Variants in YPEL1 observed in about 807,000 individuals in gnomAD.
YPEL1 encodes the protein protein yippee-like 1.
A neutral mutation model predicts 17.3 loss-of-function variants in YPEL1; 7 were observed. That is an observed-to-expected ratio of 0.40 (90% confidence interval 0.23 to 0.76). The LOEUF is 0.76. Ranked by LOEUF, YPEL1 falls within the 30% of genes least tolerant of loss-of-function variation. The pLI is 0.35. For missense variants in YPEL1, 91 were observed against 155.5 expected (o/e 0.59, Z 2.21); for synonymous variants, 59 against 59.6 (o/e 0.99, Z 0.05).
chr22:21,721,016 G>A (rs376942221), intron 1 of YPEL1, among the ~76,000 whole-genome samples: 68 of 151,694 alleles, frequency 4.5e-4, no homozygotes, highest in African/African-American at 1.6e-3. Context: ...TCACCATGTT[G>A]GCCAGGCTGG....
intron 1 of YPEL1, among the ~76,000 whole-genome samples, chr22:21,715,046 G>A (rs2068207430): frequency 6.6e-6 from 1 of 152,086 alleles, no homozygotes; most frequent in Admixed American, 6.6e-5. Context: ...TAAGCTTCAG[G>A]AAACTATAGT....
At chr22:21,724,102 C>A (rs530181709) in intron 1 of YPEL1, among the ~76,000 whole-genome samples, 21 of 152,336 alleles carry the variant, frequency 1.4e-4, no homozygotes, top group African/African-American at 5.1e-4. Flanking sequence ...AGTCTCCCAT[C>A]CCAGAGCCCC....
chr22:21,710,905 T>C lies in YPEL1; in HGVS notation c.-161A>G, dbSNP rs573854048. On this transcript the variant is annotated 5_prime_UTR_variant, in exon 2 of 5. Transcript: ENST00000339468. ...ACACAGCTGGGACGAGAGAAAAACG[T>C]AACCTGCCAACCAATCAGACAAAGT... 1.5e-6 allele frequency: 1 copy of C among 680,568 alleles called. No individual in the cohort carries two copies. Among genetic ancestry groups the C allele is most frequent in the South Asian group, 1.7e-5 (1 of 60,264 alleles). 42.2% of individuals were successfully genotyped at this position (680,568 alleles called of 1,614,324 possible).
At chr22:21,701,333 C>T in intron 4 of YPEL1, 115 bp from the exon 5 acceptor site, 1 of 728,524 alleles carries the variant, frequency 1.4e-6, no homozygotes, top group South Asian at 1.8e-5. Flanking sequence ...CCCAGATGTT[C>T]CCTGAGCGGT....
rs112731329 is a variant in YPEL1 at position 21,701,124 on chromosome 22, G to A, written c.*5C>T. On this transcript the variant is annotated 3_prime_UTR_variant, in exon 5 of 5. Transcript: ENST00000339468. ...GCATTCAAAGGAGAAGGGAAAGTTC[G>A]CACATTACTCCCAGCCATTGTCTTT... The A allele has an allele frequency of 2.7e-4, 429 of 1,611,822 alleles. 2 individuals are homozygous for A. In the African/African-American group the frequency reaches 4.4e-3, roughly 17 times the overall value.
rs185976908 is a variant in YPEL1 at position 21,698,229 on chromosome 22, A to G, written c.*2900T>C. 2.0e-5 allele frequency: 3 copies of G among 151,342 alleles called. No individual in the cohort carries two copies. The highest frequency in any genetic ancestry group is 7.3e-5 in the African/African-American group (3 of 41,122). 9.4% of individuals were successfully genotyped at this position (151,342 alleles called of 1,614,324 possible). A position where few individuals can be genotyped will look rare whatever the true frequency, so the allele number is the denominator to read the frequency against. On this transcript the variant is annotated 3_prime_UTR_variant, in exon 5 of 5. Transcript: ENST00000339468. ...GTATTTTGCAGAAGCCCAACAAAAA[A>G]AAAGTGATAAAAGTGTTGTTGGTAT...
chr22:21,710,241 C>G (rs1295032740), intron 2 of YPEL1, among the ~76,000 whole-genome samples: 1 of 152,200 alleles, frequency 6.6e-6, no homozygotes, highest in Non-Finnish European at 1.5e-5. Context: ...CCCTTTCCTT[C>G]TTAACCATGC....
At chr22:21,719,096 G>T (rs1269115586) in intron 1 of YPEL1, among the ~76,000 whole-genome samples, 2 of 152,006 alleles carry the variant, frequency 1.3e-5, no homozygotes, top group East Asian at 3.9e-4. Flanking sequence ...CTTCCATCTG[G>T]CATCTCTTCC....
intron 2 of YPEL1, among the ~76,000 whole-genome samples, chr22:21,705,586 G>A (rs1391771585): frequency 1.3e-5 from 2 of 152,066 alleles, no homozygotes; most frequent in Non-Finnish European, 2.9e-5. Flanking sequence ...TATCGAAGTG[G>A]AAAAAGCACA....
intron 1 of YPEL1, among the ~76,000 whole-genome samples, chr22:21,716,655 G>T (rs565572264): frequency 6.6e-6 from 1 of 152,290 alleles, no homozygotes; most frequent in Non-Finnish European, 1.5e-5. Context: ...CTGGCAGAAG[G>T]AAGCGTAAAC....
intron 1 of YPEL1, among the ~76,000 whole-genome samples, chr22:21,728,066 G>A (rs1601643129): frequency 6.6e-6 from 1 of 152,318 alleles, no homozygotes; most frequent in African/African-American, 2.4e-5. Flanking sequence ...GGAAGGAACA[G>A]TGCTCATGTG....
chr22:21,703,277 G>T lies in YPEL1; in HGVS notation c.270+93C>A. On this transcript the variant is annotated intron_variant, in intron 4 of 4. Coordinates refer to ENST00000339468, the MANE Select transcript of YPEL1 (RefSeq NM_013313.5). The surrounding 1 kb of genome is among the most constrained non-coding windows in gnomAD (Gnocchi z 6.1). The stretch of plus-strand genomic sequence containing the variant: ...GGGGTTTCTGAAAGTGCTGTGACTG[G>T]TACCATGGGCCACACTGCACGGGGA... 1.8e-6 allele frequency: 2 copies of T among 1,112,974 alleles called. No homozygotes were observed. Among genetic ancestry groups the T allele is most frequent in the Admixed American group, 1.8e-5 (1 of 57,022 alleles). The allele number at this position is 1,112,974 out of a possible 1,614,324, so 68.9% of individuals were successfully genotyped here.
intron 1 of YPEL1, among the ~76,000 whole-genome samples, chr22:21,725,900 G>A (rs2068331521): frequency 6.6e-6 from 1 of 151,988 alleles, no homozygotes; most frequent in East Asian, 1.9e-4. Flanking sequence ...TCCAGAGGCT[G>A]AAACTGGAGG....
chr22:21,714,561 T>C (rs1207745569), intron 1 of YPEL1, among the ~76,000 whole-genome samples: 1 of 152,142 alleles, frequency 6.6e-6, no homozygotes, highest in Admixed American at 6.5e-5. Context: ...GGGGTGTGGA[T>C]GTGTATCGGC....
chr22:21,715,551 A>G (rs1404868486), intron 1 of YPEL1, among the ~76,000 whole-genome samples: 1 of 151,584 alleles, frequency 6.6e-6, no homozygotes, highest in African/African-American at 2.4e-5. Flanking sequence ...CTTACTATGT[A>G]TAGTTCAAAT....
chr22:21,709,697 T>G (rs1315133207), intron 2 of YPEL1, among the ~76,000 whole-genome samples: 1 of 152,132 alleles, frequency 6.6e-6, no homozygotes, highest in Non-Finnish European at 1.5e-5. Flanking sequence ...CAAACTTTGT[T>G]CCCAAAGTGG....
chr22:21,710,594 T>C, intron 2 of YPEL1, 34 bp downstream of exon 2: 1 of 1,526,396 alleles, frequency 6.6e-7, no homozygotes, highest in Non-Finnish European at 9.1e-7. Context: ...CAGATAATCA[T>C]TGTGCCATCA....
chr22:21,709,160 T>C (rs972011277), intron 2 of YPEL1, among the ~76,000 whole-genome samples: 1 of 152,006 alleles, frequency 6.6e-6, no homozygotes, highest in Non-Finnish European at 1.5e-5. Flanking sequence ...AACACACAGG[T>C]GTCACGGGGC....
intron 1 of YPEL1, among the ~76,000 whole-genome samples, chr22:21,720,768 A>G (rs970637626): frequency 2.0e-5 from 3 of 149,246 alleles, no homozygotes; most frequent in African/African-American, 7.4e-5. Context: ...CGGCTTCCCA[A>G]AGTGCTGGGA....
Sources: gnomAD v4.1 joint callset for allele counts (sites outside exome capture counted in the v4.1 genomes callset) on GRCh38, gnomAD v4.1.1 for gene constraint, Gnocchi (gnomAD v3.1) non-coding constraint, MANE v1.5 for transcripts, NCBI Gene and HGNC (gene_info 2026-07-23, HGNC 2026-07-21) for gene names.